UBE3C: variants seen among roughly 807,000 people sequenced by gnomAD.
UBE3C encodes the protein ubiquitin-protein ligase E3C.
A neutral mutation model predicts 129.4 loss-of-function variants in UBE3C; 42 were observed. The ratio of observed to expected loss-of-function variants is 0.32; its 90% CI spans 0.25 to 0.42. The LOEUF (loss-of-function observed/expected upper bound fraction) is 0.42, where lower values mean the gene tolerates loss of function less well. UBE3C is among the 10% of genes least tolerant of loss of function. The probability of loss-of-function intolerance (pLI) is 1.00; values close to 1 mark genes in which losing one functional copy is unlikely to be tolerated. For missense variants in UBE3C, 1,049 were observed against 1,319.1 expected, an observed-to-expected ratio of 0.80 and a Z score of 3.17; for synonymous variants, 510 against 492.4, an observed-to-expected ratio of 1.04 and a Z score of -0.47.
intron 5 of UBE3C, among the ~76,000 whole-genome samples, chr7:157,177,636 G>A (rs1477959989): frequency 6.6e-6 from 1 of 152,228 alleles, no homozygotes; most frequent in East Asian, 1.9e-4. Context: ...GTGGTGCTGA[G>A]GGGAAAGTTG....
chr7:157,164,284 G>A (rs1181528020), intron 2 of UBE3C: 2 of 452,464 alleles, frequency 4.4e-6, no homozygotes, highest in Non-Finnish European at 4.4e-6. Flanking sequence ...CTAGCCTCCT[G>A]TAGCTGGGAC....
intron 18 of UBE3C, among the ~76,000 whole-genome samples, chr7:157,240,533 G>A (rs977749929): frequency 6.6e-6 from 1 of 152,164 alleles, no homozygotes; most frequent in Non-Finnish European, 1.5e-5. Context: ...ACCCGTAAAC[G>A]GCTGTGTGGG....
Position 157,225,390 on chromosome 7 carries a change from C to G in UBE3C, c.2101-17C>G, listed in dbSNP as rs1279602310. On this transcript the variant is annotated splice_polypyrimidine_tract_variant and intron_variant, in intron 16 of 22. Coordinates refer to ENST00000348165, the MANE Select transcript of UBE3C (RefSeq NM_014671.3). ...TCTTTTGTTTCTAATAACCTTACAG[C>G]TTTCCTTGTTTGTTAGATCTTTCAG... is the stretch of plus-strand genomic sequence containing the variant. The G allele has an allele frequency of 6.3e-7, 1 of 1,589,434 alleles. No individual in the cohort carries two copies. The highest frequency in any genetic ancestry group is 1.9e-5 in the Admixed American group (1 of 52,530).
In UBE3C at chr7:157,186,618, G is replaced by A. The variant is rs555791050; in HGVS notation, c.1144-216G>A. Among the ~76,000 whole-genome samples the A allele has an allele frequency of 7.8e-4, 119 of 152,008 alleles. 2 individuals carry two copies. Among genetic ancestry groups the A allele is most frequent in the Non-Finnish European group, 1.5e-3 (104 of 68,012 alleles). ...TACTGTTATATCATAGGCAAAAACC[G>A]GGTATTCAGAGTTTACTGTGTTAGG... On this transcript the variant is annotated intron_variant, in intron 9 of 22. Transcript: ENST00000348165.
At chr7:157,157,460 G>GCACT (rs1807942923) in intron 1 of UBE3C, among the ~76,000 whole-genome samples, 1 of 152,160 alleles carries the variant, frequency 6.6e-6, no homozygotes, top group African/African-American at 2.4e-5. Context: ...GTTAGACGCT[G>GCACT]CACTGTGCAG....
intron 13 of UBE3C, among the ~76,000 whole-genome samples, chr7:157,209,516 T>G (rs923575983): frequency 1.3e-5 from 2 of 152,262 alleles, no homozygotes; most frequent in Non-Finnish European, 2.9e-5. Flanking sequence ...TCTCACCTAT[T>G]TAAAACTTAT....
intron 1 of UBE3C, among the ~76,000 whole-genome samples, chr7:157,157,867 G>C (rs1354649167): frequency 6.6e-6 from 1 of 151,964 alleles, no homozygotes; most frequent in Non-Finnish European, 1.5e-5. Flanking sequence ...TGTAATCCCA[G>C]CTACTTGGAG....
intron 1 of UBE3C, among the ~76,000 whole-genome samples, chr7:157,161,992 A>C (rs1002454314): frequency 1.3e-5 from 2 of 151,426 alleles, no homozygotes; most frequent in African/African-American, 4.8e-5. Context: ...ATTGCTTGAA[A>C]CCGGGAGGCA....
intron 1 of UBE3C, among the ~76,000 whole-genome samples, chr7:157,142,619 T>G (rs1429280252): frequency 6.6e-6 from 1 of 152,014 alleles, no homozygotes; most frequent in Non-Finnish European, 1.5e-5. Context: ...TGATTCAAAG[T>G]CACTTTGGGG....
intron 11 of UBE3C, among the ~76,000 whole-genome samples, chr7:157,206,169 A>T (rs6459739): frequency 0.48 from 72,322 of 152,138 alleles, 19,810 homozygotes; most frequent in African/African-American, 0.77. Flanking sequence ...ATTAGCTAAA[A>T]GTTCCATAAG....
In UBE3C at chr7:157,254,012, C is replaced by A; in HGVS notation, c.2753C>A (p.Ala918Glu). The A allele has an allele frequency of 6.2e-7, 1 of 1,612,888 alleles. No homozygotes were observed. Among genetic ancestry groups the A allele is most frequent in the Admixed American group, 1.7e-5 (1 of 59,772 alleles). ...CCTGTCACCAGCGCCAACCGGATTG[C>A]GTACATCCACTTGGTGGCAGACTAC... ...DIPVTSANRI[A>E]YIHLVADYRL... The change falls in exon 20 of 23, where the codon GCG becomes GAG. Residue 918 changes from alanine to glutamate, a missense_variant. By Grantham distance (107) the Ala-to-Glu change is moderately radical. Around this residue, in one of 4 missense-constraint regions of UBE3C, gnomAD observed 243 missense variants for 368.7 expected, o/e 0.66. Coordinates refer to ENST00000348165, the MANE Select transcript of UBE3C (RefSeq NM_014671.3).
chr7:157,150,518 C>G (rs1807728194), intron 1 of UBE3C, among the ~76,000 whole-genome samples: 1 of 152,140 alleles, frequency 6.6e-6, no homozygotes, highest in African/African-American at 2.4e-5. Flanking sequence ...TATGGCATTA[C>G]TTATAATACT....
chr7:157,267,162 G>A (rs1321111371), intron 22 of UBE3C, among the ~76,000 whole-genome samples: 3 of 152,110 alleles, frequency 2.0e-5, no homozygotes, highest in African/African-American at 7.2e-5. Context: ...GGTGGCTCAC[G>A]CCTGTAATCC....
intron 15 of UBE3C, chr7:157,222,801 T>C (rs559235941): frequency 6.3e-6 from 1 of 158,128 alleles, no homozygotes; most frequent in South Asian, 1.9e-4. Context: ...GCCTGGGGCC[T>C]ACTGTGTATA....
At chr7:157,148,136 G>A (rs1159504069) in intron 1 of UBE3C, among the ~76,000 whole-genome samples, 6 of 152,012 alleles carry the variant, frequency 3.9e-5, no homozygotes, top group South Asian at 2.1e-4. Flanking sequence ...TCCCTCTGTC[G>A]CCTAGGCTGG....
chr7:157,179,696 A>G (rs1808618600), intron 6 of UBE3C, among the ~76,000 whole-genome samples: 1 of 152,218 alleles, frequency 6.6e-6, no homozygotes, highest in African/African-American at 2.4e-5. Flanking sequence ...AGACAGAATT[A>G]TAAGCAGCTG....
At chr7:157,242,175 C>T (rs1029709795) in intron 18 of UBE3C, among the ~76,000 whole-genome samples, 10 of 152,140 alleles carry the variant, frequency 6.6e-5, no homozygotes, top group African/African-American at 1.4e-4. Context: ...CGGTAGGTAA[C>T]GTGGTGACTG....
At chr7:157,254,413 T>G (rs1172718008) in intron 21 of UBE3C, 103 bp downstream of exon 21, 11 of 667,556 alleles carry the variant, frequency 1.6e-5, no homozygotes, top group Non-Finnish European at 2.2e-5. Flanking sequence ...TTTTTTTTTT[T>G]TCAGACTGAG....
chr7:157,159,615 A>G (rs1401616279), intron 1 of UBE3C, among the ~76,000 whole-genome samples: 1 of 152,172 alleles, frequency 6.6e-6, no homozygotes, highest in East Asian at 1.9e-4. Flanking sequence ...TGCCTGTAAT[A>G]CCAGCACTTT....
Sources: gnomAD v4.1 joint callset for allele counts (sites outside exome capture counted in the v4.1 genomes callset) on GRCh38, gnomAD v4.1.1 for gene constraint, gnomAD v4.1.1 regional missense constraint, MANE v1.5 for transcripts, NCBI Gene and HGNC (gene_info 2026-07-23, HGNC 2026-07-21) for gene names.